The following NRG4 variants were observed in gnomAD, a reference collection of about 807,000 sequenced individuals.
The protein encoded by NRG4 is neuregulin 4.
In NRG4, 10 loss-of-function variants were observed where a neutral mutation model predicts 15.0. That is an observed-to-expected ratio of 0.67 (90% confidence interval 0.41 to 1.13). NRG4 has a LOEUF of 1.13. Ranked by LOEUF, NRG4 falls within the 50% of genes most tolerant of loss-of-function variation. NRG4 has a pLI of 0.00. For synonymous variants in NRG4, 41 were observed against 50.1 expected, an observed-to-expected ratio of 0.82 and a Z score of 0.77; for missense variants, 139 against 140.2, an observed-to-expected ratio of 0.99 and a Z score of 0.04.
intron 3 of NRG4, among the ~76,000 whole-genome samples, chr15:76,008,896 G>A (rs1031531079): frequency 9.3e-4 from 142 of 152,126 alleles, no homozygotes; most frequent in African/African-American, 3.1e-3. Context: ...ATTAAGCATA[G>A]ACTGCCTTCC....
upstream of NRG4, among the ~76,000 whole-genome samples, chr15:76,014,423 C>G (rs1332096778): frequency 6.6e-6 from 1 of 152,176 alleles, no homozygotes; most frequent in Non-Finnish European, 1.5e-5. Flanking sequence ...TTGCCCATAT[C>G]TGTGTCCTGA....
At chr15:75,966,181 C>A (rs936447561) in intron 3 of NRG4, among the ~76,000 whole-genome samples, 1 of 152,196 alleles carries the variant, frequency 6.6e-6, no homozygotes, top group African/African-American at 2.4e-5. Context: ...TCATTCGATT[C>A]TGTGGCATTC....
intron 5 of NRG4, among the ~76,000 whole-genome samples, chr15:76,018,916 A>T (rs1461117931): frequency 6.6e-6 from 1 of 152,146 alleles, no homozygotes; most frequent in Non-Finnish European, 1.5e-5. Flanking sequence ...AGTGTGCCGA[A>T]GCTGTGCCCA....
chr15:76,003,607 A>G (rs1437713054), intron 3 of NRG4, among the ~76,000 whole-genome samples: 3 of 152,230 alleles, frequency 2.0e-5, no homozygotes, highest in Non-Finnish European at 2.9e-5. Flanking sequence ...TCCAAGTAAG[A>G]TGAACTCAAA....
intron 5 of NRG4, among the ~76,000 whole-genome samples, chr15:75,944,110 G>A (rs2031285654): frequency 6.6e-6 from 1 of 152,098 alleles, no homozygotes; most frequent in Admixed American, 6.5e-5. Context: ...GGCTAATTGG[G>A]ACTATTTAGA....
At chr15:76,040,978 GT>G (rs1459392925) in intron 4 of NRG4, among the ~76,000 whole-genome samples, 2 of 152,132 alleles carry the variant, frequency 1.3e-5, no homozygotes, top group African/African-American at 4.8e-5. Flanking sequence ...AGACAGAACT[GT>G]AAGATATAAA....
intron 3 of NRG4, among the ~76,000 whole-genome samples, chr15:75,972,620 G>T (rs1326589226): frequency 6.6e-6 from 1 of 152,024 alleles, no homozygotes; most frequent in Non-Finnish European, 1.5e-5. Flanking sequence ...CATTTATGAA[G>T]TGGAGAATCC....
At chr15:75,978,481 TATTGTGAATA>T (rs1355137955) in intron 3 of NRG4, among the ~76,000 whole-genome samples, 1 of 152,240 alleles carries the variant, frequency 6.6e-6, no homozygotes, top group Non-Finnish European at 1.5e-5. Context: ...TTATCTTGGC[TATTGTGAATA>T]GTGCTGCAAT....
intron 3 of NRG4, among the ~76,000 whole-genome samples, chr15:76,008,703 C>A (rs995491527): frequency 6.6e-6 from 1 of 152,070 alleles, no homozygotes; most frequent in East Asian, 1.9e-4. Flanking sequence ...GGCTAAGATA[C>A]CCTTCTTTTT....
At chr15:76,037,214 C>T (rs2035616779) in intron 4 of NRG4, among the ~76,000 whole-genome samples, 1 of 152,134 alleles carries the variant, frequency 6.6e-6, no homozygotes, top group Admixed American at 6.5e-5. Flanking sequence ...TATCTACACA[C>T]ACAAAAAAAG....
At chr15:75,956,704 T>C (rs2032260077) in intron 4 of NRG4, among the ~76,000 whole-genome samples, 1 of 152,296 alleles carries the variant, frequency 6.6e-6, no homozygotes, top group Admixed American at 6.5e-5. Context: ...TTAGCATTAG[T>C]GGGGTATCAT....
intron 3 of NRG4, among the ~76,000 whole-genome samples, chr15:75,984,573 T>C (rs1215323618): frequency 6.6e-6 from 1 of 151,924 alleles, no homozygotes; most frequent in African/African-American, 2.4e-5. Flanking sequence ...CACTCATAAG[T>C]GGGAGTTTAA....
intron 2 of NRG4, among the ~76,000 whole-genome samples, chr15:76,055,424 C>T (rs748230102): frequency 4.9e-4 from 75 of 152,348 alleles, no homozygotes; most frequent in Non-Finnish European, 9.6e-4. Flanking sequence ...AGTTCTGTCT[C>T]TTCATCCTTA....
intron 3 of NRG4, among the ~76,000 whole-genome samples, chr15:76,004,646 A>G (rs762596074): frequency 2.0e-5 from 3 of 152,038 alleles, no homozygotes; most frequent in Non-Finnish European, 4.4e-5. Flanking sequence ...AAATCAATTA[A>G]ACACAAAAGA....
chr15:76,050,956 C>A (rs1227921084), intron 4 of NRG4, among the ~76,000 whole-genome samples: 1 of 149,394 alleles, frequency 6.7e-6, no homozygotes, highest in African/African-American at 2.5e-5. Flanking sequence ...CAGGTGTGTG[C>A]CACCATGCCT....
In NRG4 at chr15:76,005,378, T is replaced by C. The variant is rs762994270; in HGVS notation, c.104+3822A>G. On this transcript the variant is annotated intron_variant, in intron 3 of 5. Transcript: ENST00000394907. ...GCCTGGGCAACACAGCAAGACTCCG[T>C]CTCTTAAAAAAAAAAAAAAAAAAGG... Among the ~76,000 whole-genome samples the C allele has an allele frequency of 1.1e-3, 138 of 126,088 alleles. 1 individual carries two copies. The highest frequency in any genetic ancestry group is 3.1e-3 in the South Asian group (12 of 3,902). 82.7% of individuals were successfully genotyped at this position (126,088 alleles called of 152,430 possible). A position where few individuals can be genotyped will look rare whatever the true frequency, so the allele number is the denominator to read the frequency against.
At chr15:75,990,680 TTTTG>T (rs997427237) in intron 3 of NRG4, among the ~76,000 whole-genome samples, 8 of 147,700 alleles carry the variant, frequency 5.4e-5, no homozygotes, top group Middle Eastern at 6.8e-3. Flanking sequence ...TGTTTTTTTT[TTTTG>T]TTTTTTTTTT....
intron 4 of NRG4, among the ~76,000 whole-genome samples, chr15:76,047,773 T>A (rs1459314424): frequency 6.6e-6 from 1 of 151,214 alleles, no homozygotes; most frequent in Admixed American, 6.6e-5. Context: ...TTGCAGTCTC[T>A]GCAAATGTAA....
At chr15:76,031,108 G>A (rs2035459850) in intron 5 of NRG4, among the ~76,000 whole-genome samples, 1 of 151,688 alleles carries the variant, frequency 6.6e-6, no homozygotes, top group Admixed American at 6.6e-5. Context: ...CAAAATAAAA[G>A]ACAAAGATTA....
Sources: gnomAD v4.1 joint callset for allele counts (sites outside exome capture counted in the v4.1 genomes callset) on GRCh38, gnomAD v4.1.1 for gene constraint, MANE v1.5 for transcripts, NCBI Gene and HGNC (gene_info 2026-07-23, HGNC 2026-07-21) for gene names.